Variants in UGGT2 observed in about 807,000 individuals in gnomAD.
UGGT2 encodes UDP-glucose glycoprotein glucosyltransferase 2, also known as UDP-glucose:glycoprotein glucosyltransferase 2.
In UGGT2, 180 loss-of-function variants were observed where a neutral mutation model predicts 192.1. That is an observed-to-expected ratio of 0.94 (90% confidence interval 0.83 to 1.06). The LOEUF is 1.06. UGGT2 is among the 50% of genes least tolerant of loss of function. The pLI is 0.00. For missense variants in UGGT2, 1,849 were observed against 1,795.7 expected (o/e 1.03, Z -0.54); for synonymous variants, 580 against 591.0 (o/e 0.98, Z 0.27).
intron 20 of UGGT2, among the ~76,000 whole-genome samples, chr13:95,923,219 T>C (rs1157575486): frequency 1.3e-5 from 2 of 152,062 alleles, no homozygotes; most frequent in African/African-American, 2.4e-5. Context: ...ACCTGGCTAA[T>C]TGTTTTTAAA....
At chr13:95,864,033 T>C (rs1890411841) in intron 30 of UGGT2, among the ~76,000 whole-genome samples, 1 of 152,204 alleles carries the variant, frequency 6.6e-6, no homozygotes, top group South Asian at 2.1e-4. Flanking sequence ...TTATACACTC[T>C]TTGTGATGAC....
At position 96,053,321 on chromosome 13, in the gene UGGT2, G is replaced by T; in HGVS notation, c.-9C>A. 1.3e-6 allele frequency: 2 copies of T among 1,581,680 alleles called. No individual in the cohort carries two copies. Among genetic ancestry groups the T allele is most frequent in the Non-Finnish European group, 1.7e-6 (2 of 1,173,188 alleles). On this transcript the variant is annotated 5_prime_UTR_variant, in exon 1 of 39. Coordinates refer to ENST00000376747, the MANE Select transcript of UGGT2 (RefSeq NM_020121.4). Reference sequence around the variant, plus strand: ...GCTTTCGCTGGCGCCATGGCACGGAGAGAAAAGCGCGAGTCCCTCGGACCC... The same window carrying T: ...GCTTTCGCTGGCGCCATGGCACGGATAGAAAAGCGCGAGTCCCTCGGACCC...
At chr13:95,827,892 A>G (rs1193388093) in intron 38 of UGGT2, among the ~76,000 whole-genome samples, 2 of 152,164 alleles carry the variant, frequency 1.3e-5, no homozygotes, top group African/African-American at 4.8e-5. Context: ...AGAACAGCTG[A>G]CACCAACCAG....
At chr13:96,014,435 A>G (rs1292877927) in intron 4 of UGGT2, among the ~76,000 whole-genome samples, 1 of 152,204 alleles carries the variant, frequency 6.6e-6, no homozygotes, top group Non-Finnish European at 1.5e-5. Context: ...CTGACTCAAC[A>G]TATTCTAAAT....
At chr13:95,848,284 A>T (rs1452033369) in intron 36 of UGGT2, among the ~76,000 whole-genome samples, 1 of 152,200 alleles carries the variant, frequency 6.6e-6, no homozygotes. Context: ...TTTGCAGAGC[A>T]GAAGTTTTTA....
chr13:95,973,868 A>G (rs1288300383), intron 10 of UGGT2, among the ~76,000 whole-genome samples: 1 of 152,248 alleles, frequency 6.6e-6, no homozygotes, highest in Non-Finnish European at 1.5e-5. Context: ...TGTTTGCTAT[A>G]GTTTAAATGT....
At chr13:95,845,179 T>TTTA (rs59463809) in intron 36 of UGGT2, among the ~76,000 whole-genome samples, 1 of 151,734 alleles carries the variant, frequency 6.6e-6, no homozygotes, top group Non-Finnish European at 1.5e-5. Flanking sequence ...TCCTTTCTTT[T>TTTA]AAATTTTTTT....
intron 27 of UGGT2, among the ~76,000 whole-genome samples, chr13:95,878,721 C>T (rs192412108): frequency 1.3e-5 from 2 of 152,244 alleles, no homozygotes; most frequent in Admixed American, 1.3e-4. Context: ...ATTAGGTTTT[C>T]AACACTATTG....
intron 12 of UGGT2, among the ~76,000 whole-genome samples, chr13:95,964,799 G>T (rs1001792481): frequency 2.0e-5 from 3 of 151,878 alleles, no homozygotes; most frequent in East Asian, 1.9e-4. Flanking sequence ...CCATCAGTGT[G>T]AACAGGCAAC....
intron 1 of UGGT2, 74 bp from the exon 2 acceptor site, chr13:96,032,045 G>C: frequency 1.9e-6 from 2 of 1,029,066 alleles, no homozygotes; most frequent in Non-Finnish European, 2.9e-6. Flanking sequence ...CTGTACTCAA[G>C]AACCAAATTA....
At chr13:95,947,867 C>T in intron 14 of UGGT2, 129 bp downstream of exon 14, 2 of 644,088 alleles carry the variant, frequency 3.1e-6, no homozygotes, top group Non-Finnish European at 5.5e-6. Flanking sequence ...TCACAACGTG[C>T]AGCTGTGTTA....
intron 36 of UGGT2, among the ~76,000 whole-genome samples, chr13:95,838,912 A>G (rs1396569749): frequency 6.6e-6 from 1 of 152,096 alleles, no homozygotes; most frequent in Non-Finnish European, 1.5e-5. Context: ...CTCAGATATC[A>G]ATATCCTTTG....
At chr13:95,968,242 T>G (rs1406057614) in intron 12 of UGGT2, among the ~76,000 whole-genome samples, 1 of 152,100 alleles carries the variant, frequency 6.6e-6, no homozygotes, top group Non-Finnish European at 1.5e-5. Context: ...AGGGACATAA[T>G]GGTAAGAGAA....
chr13:95,850,737 T>G (rs763347200), intron 36 of UGGT2, among the ~76,000 whole-genome samples: 1 of 152,222 alleles, frequency 6.6e-6, no homozygotes, highest in Non-Finnish European at 1.5e-5. Flanking sequence ...TTGGCTACAG[T>G]AGATGTCCTT....
chr13:95,946,054 TTTTATAA>T (rs1374772652), intron 15 of UGGT2, among the ~76,000 whole-genome samples: 1 of 136,582 alleles, frequency 7.3e-6, no homozygotes, highest in Admixed American at 7.7e-5. Context: ...CTATGACTTA[TTTTATAA>T]GTTATTTTAT....
In UGGT2 at chr13:95,808,492, C is replaced by CT. The variant is rs900475411; in HGVS notation, c.4529-6681dup. Among the ~76,000 whole-genome samples, 20 of 148,394 alleles carry CT rather than the reference C, an allele frequency of 1.3e-4. 1 individual carries two copies. The highest frequency in any genetic ancestry group is 4.3e-4 in the South Asian group (2 of 4,664). On this transcript the variant is annotated intron_variant, in intron 38 of 38. Transcript: ENST00000376747. ...ATAATCCTTTCTCCTCAGTGATTTT[C>CT]TTTTTTTTTTCTTTCATAATTGAGA...
At chr13:96,010,968 C>G (rs1208570488) in intron 5 of UGGT2, among the ~76,000 whole-genome samples, 1 of 152,084 alleles carries the variant, frequency 6.6e-6, no homozygotes, top group Non-Finnish European at 1.5e-5. Flanking sequence ...CATACAAATA[C>G]AGTCAATTAT....
chr13:95,939,112 C>A (rs926865192), intron 16 of UGGT2, among the ~76,000 whole-genome samples: 1 of 152,192 alleles, frequency 6.6e-6, no homozygotes, highest in Non-Finnish European at 1.5e-5. Context: ...CTTGCCTCTC[C>A]AGCCTTATCT....
chr13:95,978,092 T>C (rs2050995931), intron 10 of UGGT2, among the ~76,000 whole-genome samples: 1 of 151,936 alleles, frequency 6.6e-6, no homozygotes, highest in Non-Finnish European at 1.5e-5. Flanking sequence ...AAAACCTAGA[T>C]GATGGGTTGA....
Sources: gnomAD v4.1 joint callset for allele counts (sites outside exome capture counted in the v4.1 genomes callset) on GRCh38, gnomAD v4.1.1 for gene constraint, MANE v1.5 for transcripts, NCBI Gene and HGNC (gene_info 2026-07-23, HGNC 2026-07-21) for gene names.